Variants in ERC1 observed in about 807,000 individuals in gnomAD.
ERC1 encodes ELKS/RAB6-interacting/CAST family member 1.
ERC1 carries 56 observed loss-of-function variants against 132.0 expected under a neutral mutation model. The observed-to-expected ratio is 0.42, with a 90% CI of 0.34 to 0.53. The LOEUF (loss-of-function observed/expected upper bound fraction) is 0.53. Ranked by LOEUF, ERC1 falls within the 20% of genes least tolerant of loss-of-function variation. The pLI is 0.03. For synonymous variants in ERC1, 478 were observed against 476.1 expected, an observed-to-expected ratio of 1.00 and a Z score of -0.05; for missense variants, 1,202 against 1,349.9, an observed-to-expected ratio of 0.89 and a Z score of 1.72.
intron 15 of ERC1, among the ~76,000 whole-genome samples, chr12:1,335,149 G>C (rs2083205512): frequency 6.6e-6 from 1 of 152,124 alleles, no homozygotes; most frequent in Non-Finnish European, 1.5e-5. Flanking sequence ...GGGTTTTCTA[G>C]ATACAGGATT....
At position 1,122,569 on chromosome 12, in the gene ERC1, GTGTCTC is replaced by G. The variant is rs1566021338; in HGVS notation, c.1569+6538_1569+6543del. ...TGTGTCTCTATCTCTATCTCTATCT[GTGTCTC>G]TATCTCTATCTCTATCTCTATCTGT... On this transcript the variant is annotated intron_variant, in intron 7 of 18. Coordinates refer to ENST00000360905, the MANE Select transcript of ERC1 (RefSeq NM_178040.4). Among the ~76,000 whole-genome samples, 8 of 5,944 alleles carry G rather than the reference GTGTCTC, an allele frequency of 1.3e-3. 1 individual carries two copies. The highest frequency in any genetic ancestry group is 1.3e-3 in the Admixed American group (1 of 762). 3.9% of individuals were successfully genotyped at this position (5,944 alleles called of 152,430 possible). A position where few individuals can be genotyped will look rare whatever the true frequency, so the allele number is the denominator to read the frequency against.
At chr12:1,440,796 G>A (rs189547661) in intron 17 of ERC1, among the ~76,000 whole-genome samples, 19 of 151,264 alleles carry the variant, frequency 1.3e-4, no homozygotes, top group South Asian at 2.1e-4. Context: ...CTACAGGTGC[G>A]CACCACACCC....
At chr12:1,142,052 G>T (rs914834012) in intron 8 of ERC1, among the ~76,000 whole-genome samples, 3 of 152,140 alleles carry the variant, frequency 2.0e-5, no homozygotes, top group Admixed American at 6.5e-5. Context: ...TTGCCAAAGT[G>T]TTTGAACTGA....
intron 16 of ERC1, among the ~76,000 whole-genome samples, chr12:1,393,040 G>A (rs1329421678): frequency 6.6e-6 from 1 of 152,162 alleles, no homozygotes; most frequent in African/African-American, 2.4e-5. Context: ...TATATCATTT[G>A]CTTTCAATCT....
chr12:1,287,350 T>A (rs1460015841), intron 14 of ERC1, among the ~76,000 whole-genome samples: 1 of 152,234 alleles, frequency 6.6e-6, no homozygotes, highest in Non-Finnish European at 1.5e-5. Context: ...AAAATATCAG[T>A]AGCATATTGT....
chr12:1,261,218 A>G (rs2077123797), intron 13 of ERC1, among the ~76,000 whole-genome samples: 2 of 152,234 alleles, frequency 1.3e-5, no homozygotes, highest in Admixed American at 6.5e-5. Context: ...TTTGAGCCTC[A>G]ATTTTAGATA....
chr12:1,106,668 C>T (rs1478575501), intron 4 of ERC1, among the ~76,000 whole-genome samples: 1 of 151,938 alleles, frequency 6.6e-6, no homozygotes, highest in Non-Finnish European at 1.5e-5. Flanking sequence ...CGTTCAGTTG[C>T]ATGGTTTTAC....
intron 17 of ERC1, among the ~76,000 whole-genome samples, chr12:1,424,963 G>GAGAT (rs1465288249): frequency 1.9e-4 from 29 of 152,230 alleles, no homozygotes; most frequent in African/African-American, 6.7e-4. Context: ...CATAGCCAGG[G>GAGAT]AGATGTCAGA....
At chr12:1,410,573 G>GT (rs2091782643) in intron 17 of ERC1, 1 of 275,372 alleles carries the variant, frequency 3.6e-6, no homozygotes, top group Non-Finnish European at 6.9e-6. Flanking sequence ...TGTGCTTTCT[G>GT]TTTTTTTATT....
intron 8 of ERC1, among the ~76,000 whole-genome samples, chr12:1,168,159 C>G (rs1167347675): frequency 6.6e-6 from 1 of 152,036 alleles, no homozygotes; most frequent in Non-Finnish European, 1.5e-5. Flanking sequence ...CTCATTCTGT[C>G]ACCCAGGCTG....
chr12:1,452,711 TTGTG>T (rs549050693), intron 18 of ERC1, among the ~76,000 whole-genome samples: 1 of 152,216 alleles, frequency 6.6e-6, no homozygotes, highest in East Asian at 1.9e-4. Flanking sequence ...CACTTTCTTT[TTGTG>T]TGTGTGTCAT....
Position 1,083,548 on chromosome 12 carries a change from C to T in ERC1, c.1054C>T (p.Gln352Ter). 6.2e-7 allele frequency: 1 copy of T among 1,604,656 alleles called. No homozygotes were observed. The change falls in exon 3 of 19, where the codon CAG becomes TAG. Residue 352 changes from glutamine (Q) to a stop codon, truncating the protein, a stop_gained. Transcript: ENST00000360905. LOFTEE classifies it high-confidence loss of function. The stretch of plus-strand genomic sequence containing the variant: ...TCATCACCTAGAAAGCCTTTTGGAG[C>T]AGAAGGAAAAAGAGAACAGTATGTT... Reference protein sequence around the residue: ...HVHHLESLLEQKEKENSMLRE... With the variant: ...HVHHLESLLE
intron 17 of ERC1, among the ~76,000 whole-genome samples, chr12:1,442,076 C>T (rs908745468): frequency 3.9e-5 from 6 of 152,084 alleles, no homozygotes; most frequent in Non-Finnish European, 5.9e-5. Flanking sequence ...TACAGGCGCA[C>T]GCCACCATGC....
intron 17 of ERC1, chr12:1,443,991 A>G (rs1051126886): frequency 2.6e-5 from 4 of 152,354 alleles, no homozygotes; most frequent in African/African-American, 9.6e-5. Context: ...ACCTCTGTGA[A>G]ATAAATGAGA....
intron 17 of ERC1, among the ~76,000 whole-genome samples, chr12:1,418,852 A>G (rs116675483): frequency 0.019 from 2,916 of 151,904 alleles, 38 homozygotes; most frequent in Middle Eastern, 0.058. Context: ...AGCAGGGACT[A>G]CACGCGTGTA....
chr12:1,050,946 A>C (rs1281618398), intron 2 of ERC1, among the ~76,000 whole-genome samples: 1 of 152,072 alleles, frequency 6.6e-6, no homozygotes, highest in Non-Finnish European at 1.5e-5. Flanking sequence ...CGGAAGTTGC[A>C]GTGAGCCGAG....
At chr12:1,466,171 A>G (rs1267921964) in intron 18 of ERC1, among the ~76,000 whole-genome samples, 4 of 152,170 alleles carry the variant, frequency 2.6e-5, no homozygotes, top group Non-Finnish European at 4.4e-5. Flanking sequence ...GGAGGCTGGA[A>G]GTCCGAGATC....
intron 15 of ERC1, among the ~76,000 whole-genome samples, chr12:1,292,993 A>G (rs1365746646): frequency 6.6e-6 from 1 of 151,938 alleles, no homozygotes; most frequent in Non-Finnish European, 1.5e-5. Context: ...AAAAGTACAA[A>G]AATTAGCTGG....
intron 2 of ERC1, among the ~76,000 whole-genome samples, chr12:1,076,950 TG>T (rs1372489819): frequency 6.6e-6 from 1 of 152,220 alleles, no homozygotes; most frequent in East Asian, 1.9e-4. Context: ...CATACAGCCC[TG>T]GGCAGCACAG....
Sources: allele counts gnomAD v4.1 joint callset (sites outside exome capture counted in the v4.1 genomes callset), GRCh38; gene constraint gnomAD v4.1.1; transcripts MANE v1.5; gene names NCBI Gene and HGNC (gene_info 2026-07-23, HGNC 2026-07-21).